The following PCDH7 variants were observed in gnomAD, a reference collection of about 807,000 sequenced individuals.
The protein encoded by PCDH7 is protocadherin 7.
In PCDH7, 17 loss-of-function variants were observed where a neutral mutation model predicts 58.9. The ratio of observed to expected loss-of-function variants is 0.29; its 90% CI spans 0.20 to 0.43. PCDH7 has a LOEUF of 0.43. Among genes scored for constraint, PCDH7 ranks in the 20% least tolerant of loss-of-function variants. The probability of loss-of-function intolerance (pLI) is 1.00; values close to 1 mark genes in which losing one functional copy is unlikely to be tolerated. For synonymous variants in PCDH7, 664 were observed against 616.4 expected (o/e 1.08, Z -1.14); for missense variants, 1,274 against 1,441.0 (o/e 0.88, Z 1.88).
chr4:30,995,073 T>A (rs1751765922), intron 3 of PCDH7, among the ~76,000 whole-genome samples: 1 of 152,236 alleles, frequency 6.6e-6, no homozygotes, highest in Non-Finnish European at 1.5e-5. Context: ...AAAGACATTC[T>A]TAGAATTAAT....
At chr4:31,100,452 C>A (rs530779469) in intron 3 of PCDH7, among the ~76,000 whole-genome samples, 111 of 152,226 alleles carry the variant, frequency 7.3e-4, no homozygotes, top group Non-Finnish European at 4.9e-4. Flanking sequence ...TAAGTCCCAT[C>A]GTTTCTAAAG....
At chr4:30,950,925 A>G (rs1260035371) in intron 3 of PCDH7, among the ~76,000 whole-genome samples, 2 of 152,174 alleles carry the variant, frequency 1.3e-5, no homozygotes, top group African/African-American at 4.8e-5. Flanking sequence ...GTCATAACCT[A>G]TAAAACATGA....
intron 1 of PCDH7, among the ~76,000 whole-genome samples, chr4:30,810,941 C>T (rs1726913244): frequency 6.6e-6 from 1 of 152,118 alleles, no homozygotes; most frequent in Non-Finnish European, 1.5e-5. Context: ...TTTTCTGTAC[C>T]ATGTGAAGTA....
At chr4:30,895,727 T>C (rs1389684994) in intron 1 of PCDH7, among the ~76,000 whole-genome samples, 1 of 152,182 alleles carries the variant, frequency 6.6e-6, no homozygotes, top group Non-Finnish European at 1.5e-5. Context: ...CTGATGCCAG[T>C]TGCTAGCAGG....
chr4:30,736,605 G>T (rs949604185), downstream of PCDH7, among the ~76,000 whole-genome samples: 1 of 148,030 alleles, frequency 6.8e-6, no homozygotes, highest in South Asian at 2.1e-4. Flanking sequence ...CCGCGATCTC[G>T]GCTCACTGCA....
At chr4:30,832,738 T>A (rs1438303779) in intron 1 of PCDH7, among the ~76,000 whole-genome samples, 1 of 152,210 alleles carries the variant, frequency 6.6e-6, no homozygotes, top group Non-Finnish European at 1.5e-5. Flanking sequence ...AGCCATACAC[T>A]GTCTAGATAC....
chr4:30,821,625 C>T (rs1433457639), intron 1 of PCDH7, among the ~76,000 whole-genome samples: 6 of 152,184 alleles, frequency 3.9e-5, no homozygotes, highest in Non-Finnish European at 7.3e-5. Flanking sequence ...CCTCTTACTA[C>T]AAATGCACTT....
chr4:30,779,528 T>A lies in PCDH7; in HGVS notation c.70+54932T>A, dbSNP rs147013131. Among the ~76,000 whole-genome samples, 20 of 152,306 alleles carry A rather than the reference T, an allele frequency of 1.3e-4. No individual in the cohort carries two copies. In the East Asian group the frequency reaches 3.7e-3, roughly 28 times the overall value. On this transcript the variant is annotated intron_variant, in intron 1 of 3. Coordinates refer to the PCDH7 transcript ENST00000509759. ...TGAAGCTGGTAAACCACAAATCATA[T>A]TAAAAGATAGTTATATTCAACTTAG...
At chr4:31,025,132 A>AT (rs36030885) in intron 3 of PCDH7, among the ~76,000 whole-genome samples, 3 of 152,070 alleles carry the variant, frequency 2.0e-5, no homozygotes, top group East Asian at 1.9e-4. Flanking sequence ...AATATTTGTT[A>AT]TTTTTTTAGC....
intron 1 of PCDH7, among the ~76,000 whole-genome samples, chr4:30,897,869 C>T (rs1489894447): frequency 6.6e-6 from 1 of 152,126 alleles, no homozygotes; most frequent in South Asian, 2.1e-4. Context: ...TTTTGGCCAA[C>T]TAGTACAATA....
At chr4:30,787,558 A>G (rs1051740853) in intron 1 of PCDH7, among the ~76,000 whole-genome samples, 6 of 152,102 alleles carry the variant, frequency 3.9e-5, no homozygotes, top group Admixed American at 6.5e-5. Context: ...TTAACTATGT[A>G]AGTGTTCTAG....
chr4:31,000,670 TCTC>T (rs1200302847), intron 3 of PCDH7, among the ~76,000 whole-genome samples: 2 of 152,086 alleles, frequency 1.3e-5, no homozygotes, highest in African/African-American at 4.8e-5. Context: ...ATTCCTCAAT[TCTC>T]CTTGCCTTTC....
chr4:31,027,491 C>T (rs1344020656), intron 3 of PCDH7, among the ~76,000 whole-genome samples: 1 of 152,056 alleles, frequency 6.6e-6, no homozygotes, highest in Non-Finnish European at 1.5e-5. Flanking sequence ...GATGCAATCT[C>T]AGCTCACTGC....
intron 1 of PCDH7, among the ~76,000 whole-genome samples, chr4:30,767,365 C>CTTAG (rs1223315388): frequency 6.6e-6 from 1 of 152,072 alleles, no homozygotes; most frequent in Non-Finnish European, 1.5e-5. Context: ...GTGATTAGAC[C>CTTAG]TTAGTTAGTA....
chr4:30,731,012 T>C, exon 2 of PCDH7: 1 of 1,211,932 alleles, frequency 8.3e-7, no homozygotes, highest in Non-Finnish European at 1.0e-6. Flanking sequence ...GTGCTACTAA[T>C]GGATGTCTGA....
At chr4:31,095,356 T>C (rs969725651) in intron 3 of PCDH7, among the ~76,000 whole-genome samples, 2 of 152,140 alleles carry the variant, frequency 1.3e-5, no homozygotes, top group African/African-American at 4.8e-5. Context: ...AATAGCTCAA[T>C]GGGGGTACCT....
rs1713611812 is a variant in PCDH7 at position 30,721,816 on chromosome 4, A to C, written c.394A>C (p.Ile132Leu). Reference sequence around the variant, plus strand: ...GGTGGACCTGTTTGAGGGTCAGGTCATCGTGCTTGACATCAACGACAACAC... The same window carrying C: ...GGTGGACCTGTTTGAGGGTCAGGTCCTCGTGCTTGACATCAACGACAACAC... Residue 132 changes from isoleucine (I) to leucine (L), a missense_variant, in exon 1 of 2, where the codon ATC (isoleucine) becomes CTC (leucine). Ile to Leu is a conservative substitution (Grantham distance 5, BLOSUM62 2). Coordinates refer to ENST00000361762, the Ensembl canonical transcript of PCDH7. The surrounding 1 kb of genome is among the most constrained non-coding windows in gnomAD (Gnocchi z 6.7). 4 of 1,612,154 alleles carry C rather than the reference A, an allele frequency of 2.5e-6. No homozygotes were observed. The highest frequency in any genetic ancestry group is 2.5e-6 in the Non-Finnish European group (3 of 1,179,406).
At chr4:30,743,552 G>A (rs1717369667) in intron 1 of PCDH7, among the ~76,000 whole-genome samples, 1 of 151,850 alleles carries the variant, frequency 6.6e-6, no homozygotes, top group South Asian at 2.1e-4. Flanking sequence ...AGGTACTAAG[G>A]GAATATAGAT....
At chr4:30,755,185 A>G (rs1229146984) in intron 1 of PCDH7, among the ~76,000 whole-genome samples, 2 of 152,184 alleles carry the variant, frequency 1.3e-5, no homozygotes, top group Admixed American at 6.5e-5. Context: ...ATCCTATAAT[A>G]TTAATAGGGG....
Sources: allele counts gnomAD v4.1 joint callset (sites outside exome capture counted in the v4.1 genomes callset), GRCh38; gene constraint gnomAD v4.1.1; non-coding constraint Gnocchi (gnomAD v3.1); transcripts MANE v1.5; gene names NCBI Gene and HGNC (gene_info 2026-07-23, HGNC 2026-07-21).